Variants in BAG1 observed in about 807,000 individuals in gnomAD.
BAG1 encodes the protein BAG family molecular chaperone regulator 1.
In BAG1, 35 loss-of-function variants were observed where a neutral mutation model predicts 35.5. The ratio of observed to expected loss-of-function variants is 0.99; its 90% CI spans 0.75 to 1.31. The LOEUF is 1.31. BAG1 is among the 50% of genes most tolerant of loss of function. The pLI is 0.00. For missense variants in BAG1, 464 were observed against 453.6 expected (o/e 1.02, Z -0.21); for synonymous variants, 191 against 178.9 (o/e 1.07, Z -0.54).
At chr9:33,258,247 T>G (rs1425746180) in intron 4 of BAG1, 1 of 126,010 alleles carries the variant, frequency 7.9e-6, no homozygotes, top group Non-Finnish European at 1.6e-5. Flanking sequence ...AGGGAGCCAC[T>G]GAGATTGCAC....
chr9:33,255,137 G>A lies in BAG1; in HGVS notation c.*82C>T, dbSNP rs1047593. ...GCCAGTTGCCCCCAGCAGCCCTGAA[G>A]AAATCAGGTAAATTCCGCTCCAGAG... On this transcript the variant is annotated 3_prime_UTR_variant, in exon 7 of 7. Coordinates refer to ENST00000634734, the MANE Select transcript of BAG1 (RefSeq NM_004323.6). 3 of 1,613,768 alleles carry A rather than the reference G, an allele frequency of 1.9e-6. No homozygotes were observed. Among genetic ancestry groups the A allele is most frequent in the Non-Finnish European group, 2.5e-6 (3 of 1,179,802 alleles).
At position 33,259,030 on chromosome 9, in the gene BAG1, T is replaced by C. The variant is rs1444783019; in HGVS notation, c.667A>G (p.Ser223Gly). 6.2e-7 allele frequency: 1 copy of C among 1,612,484 alleles called. No individual in the cohort carries two copies. The highest frequency in any genetic ancestry group is 8.5e-7 in the Non-Finnish European group (1 of 1,178,726). Residue 223 changes from serine to glycine, a missense_variant, in exon 4 of 7, where the codon AGT becomes GGT. By Grantham distance (56) the Ser-to-Gly change is moderately conservative (BLOSUM62 0). Coordinates refer to ENST00000634734, the MANE Select transcript of BAG1 (RefSeq NM_004323.6). ...TTTAGTTCAACCTCTTCCTGTGGACTGTTCTAAAATGTTTAAGAAGAAAAT... is the reference window on the plus strand; with the variant it reads ...TTTAGTTCAACCTCTTCCTGTGGACCGTTCTAAAATGTTTAAGAAGAAAAT...
intron 4 of BAG1, chr9:33,257,123 T>A (rs973944489): frequency 4.0e-6 from 2 of 504,956 alleles, no homozygotes; most frequent in African/African-American, 1.9e-5. Context: ...CTACCTCGCA[T>A]GACCCACTGT....
intron 2 of BAG1, 28 bp downstream of exon 2, chr9:33,262,674 A>AT (rs1425184188): frequency 6.4e-7 from 1 of 1,558,952 alleles, no homozygotes; most frequent in Non-Finnish European, 8.6e-7. Flanking sequence ...AAAAAAAGAA[A>AT]AAGAAAGAAA....
rs571654648 is a variant in BAG1 at position 33,262,317 on chromosome 9, C to T, written c.580+385G>A. 4.8e-6 allele frequency: 6 copies of T among 1,238,194 alleles called. No individual in the cohort carries two copies. In the African/African-American group the frequency reaches 9.4e-5, roughly 19 times the overall value. The allele number at this position is 1,238,194 out of a possible 1,614,324, so 76.7% of individuals were successfully genotyped here. A position where few individuals can be genotyped will look rare whatever the true frequency, so the allele number is the denominator to read the frequency against. On this transcript the variant is annotated intron_variant, in intron 2 of 6. Transcript: ENST00000634734. Reference sequence around the variant, plus strand: ...AGAGTGACTATTAGGAAAAGTTCAGCAGTTTTAAAACTGTCCTTTGGCCAT... The same window carrying T: ...AGAGTGACTATTAGGAAAAGTTCAGTAGTTTTAAAACTGTCCTTTGGCCAT...
Position 33,254,122 on chromosome 9 carries a change from C to T in BAG1, c.*1097G>A, listed in dbSNP as rs1164543639. 1 of 150,454 alleles carries T rather than the reference C, an allele frequency of 6.6e-6. No homozygotes were observed. The highest frequency in any genetic ancestry group is 1.5e-5 in the Non-Finnish European group (1 of 67,920). 9.3% of individuals were successfully genotyped at this position (150,454 alleles called of 1,614,324 possible). ...CCTCCCCAGTAGCTGGGATTATAGG[C>T]ACATGCCACTACGCCAAGCTAATTT... On this transcript the variant is annotated 3_prime_UTR_variant, in exon 7 of 7. Coordinates refer to ENST00000634734, the MANE Select transcript of BAG1 (RefSeq NM_004323.6).
intron 2 of BAG1, chr9:33,261,802 G>T (rs778211760): frequency 1.2e-6 from 1 of 852,198 alleles, no homozygotes; most frequent in Non-Finnish European, 1.4e-6. Flanking sequence ...GATTCTCAGG[G>T]GGGTGGGAAG....
chr9:33,255,942 G>T lies in BAG1; in HGVS notation c.886-15C>A, dbSNP rs747716907. ...TCTGGCAGGATCTATGGAAGAGTAA[G>T]TTGATAATACAAGTTAGTAAATAGT... is the stretch of plus-strand genomic sequence containing the variant. On this transcript the variant is annotated splice_polypyrimidine_tract_variant and intron_variant, in intron 5 of 6. Transcript: ENST00000634734. 42 of 1,599,440 alleles carry T rather than the reference G, an allele frequency of 2.6e-5. No individual in the cohort carries two copies. Among genetic ancestry groups the T allele is most frequent in the Non-Finnish European group, 3.6e-5 (42 of 1,166,654 alleles).
chr9:33,262,852 T>G, intron 1 of BAG1, 22 bp from the exon 2 acceptor site: 6 of 1,609,360 alleles, frequency 3.7e-6, no homozygotes, highest in Non-Finnish European at 5.1e-6. Context: ...GAAAAGCATT[T>G]GACGAATATG....
rs199641418 is a variant in BAG1 at position 33,258,932 on chromosome 9, A to C, written c.765T>G (p.Thr255=). Residue 255 remains threonine (T), a synonymous_variant, in exon 4 of 7, where the codon ACT becomes ACG. Coordinates refer to ENST00000634734, the MANE Select transcript of BAG1 (RefSeq NM_004323.6). The stretch of plus-strand genomic sequence containing the variant: ...TGAAGAGAGTTACCTGCTGGATTCC[A>C]GTAAGCTCTTTATTCAACTCTTCCA... 67 of 1,613,760 alleles carry C rather than the reference A, an allele frequency of 4.2e-5. No individual in the cohort carries two copies. The highest frequency in any genetic ancestry group is 5.4e-5 in the Non-Finnish European group (64 of 1,179,722).
intron 5 of BAG1, among the ~76,000 whole-genome samples, chr9:33,256,585 A>G (rs1820457775): frequency 1.3e-5 from 2 of 152,194 alleles, no homozygotes; most frequent in African/African-American, 4.8e-5. Flanking sequence ...TAAAAGTCCT[A>G]TGCTGGAGGG....
At chr9:33,255,779 C>T in intron 6 of BAG1, 86 bp downstream of exon 6, 1 of 1,458,674 alleles carries the variant, frequency 6.9e-7, no homozygotes, top group Admixed American at 1.7e-5. Context: ...ACACCACGCT[C>T]CTACACTACC....
intron 1 of BAG1, 31 bp downstream of exon 1, chr9:33,264,193 G>C: frequency 6.4e-7 from 1 of 1,565,296 alleles, no homozygotes. Context: ...TTCGGGACCT[G>C]CATGGAGCCC....
chr9:33,252,495 G>A lies in BAG1; in HGVS notation c.*2724C>T, dbSNP rs1045777509. The A allele has an allele frequency of 7.9e-5, 12 of 151,034 alleles. No individual in the cohort carries two copies. The highest frequency in any genetic ancestry group is 2.0e-4 in the Admixed American group (3 of 15,160). 9.4% of individuals were successfully genotyped at this position (151,034 alleles called of 1,614,324 possible). On this transcript the variant is annotated 3_prime_UTR_variant, in exon 7 of 7. Transcript: ENST00000634734. Reference sequence around the variant, plus strand: ...ATTTGTTCTCCAAATATTTATTGAGGTCTTACTATATACAAGACTATATAA... The same window carrying A: ...ATTTGTTCTCCAAATATTTATTGAGATCTTACTATATACAAGACTATATAA...
chr9:33,260,699 G>T (rs769564528), intron 3 of BAG1, among the ~76,000 whole-genome samples: 7 of 152,140 alleles, frequency 4.6e-5, no homozygotes, highest in Non-Finnish European at 1.0e-4. Context: ...AGGGAGAGAG[G>T]CTCCTGAACT....
chr9:33,264,234 A>C lies in BAG1; in HGVS notation c.441T>G (p.Thr147=). The C allele has an allele frequency of 1.2e-6, 2 of 1,607,700 alleles. No individual in the cohort carries two copies. The highest frequency in any genetic ancestry group is 4.5e-5 in the East Asian group (2 of 44,592). ...GCGCCCGACACTCACTGTGGGTGAC[A>C]GTCACGGTGAGCCCAGCTGCCGCCA... is the stretch of plus-strand genomic sequence containing the variant. Residue 147 remains threonine, a synonymous_variant, in exon 1 of 7, where the codon ACT becomes ACG. Transcript: ENST00000634734.
At position 33,264,525 on chromosome 9, in the gene BAG1, C is replaced by T. The variant is rs11551680; in HGVS notation, c.150G>A (p.Arg50=). The T allele has an allele frequency of 6.3e-6, 10 of 1,585,384 alleles. No homozygotes were observed. The highest frequency in any genetic ancestry group is 5.3e-5 in the Admixed American group (3 of 56,448). ...GTCGGTCATGCCCGCTGGCAGTACT[C>T]CGGGCAGGTGGACGCCCAGAGGGAG... Residue 50 remains arginine, a synonymous_variant, in exon 1 of 7, where the codon CGG becomes CGA. Transcript: ENST00000634734.
In BAG1 at chr9:33,255,916, T is replaced by A; in HGVS notation, c.897A>T (p.Glu299Asp). Residue 299 changes from glutamate (E) to aspartate (D), a missense_variant, in exon 6 of 7, where the codon GAA (glutamate) becomes GAT (aspartate). By Grantham distance (45) the Glu-to-Asp change is conservative. Coordinates refer to ENST00000634734, the MANE Select transcript of BAG1 (RefSeq NM_004323.6). ...TTTTCAATCTACTGTCTTTGAAATTTTCTGGCAGGATCTATGGAAGAGTAA... is the reference window on the plus strand; with the variant it reads ...TTTTCAATCTACTGTCTTTGAAATTATCTGGCAGGATCTATGGAAGAGTAA... The A allele has an allele frequency of 6.2e-7, 1 of 1,613,836 alleles. No individual in the cohort carries two copies. The highest frequency in any genetic ancestry group is 8.5e-7 in the Non-Finnish European group (1 of 1,179,690).
At chr9:33,257,289 T>C (rs1362940803) in intron 4 of BAG1, 1 of 185,236 alleles carries the variant, frequency 5.4e-6, no homozygotes, top group East Asian at 1.5e-4. Flanking sequence ...TTTAGCCTAT[T>C]CATGCCTCAG....
Sources: allele counts gnomAD v4.1 joint callset (sites outside exome capture counted in the v4.1 genomes callset), GRCh38; gene constraint gnomAD v4.1.1; transcripts MANE v1.5; gene names NCBI Gene and HGNC (gene_info 2026-07-23, HGNC 2026-07-21).